The following SDCCAG8 variants were observed in gnomAD, a reference collection of about 807,000 sequenced individuals.
The protein encoded by SDCCAG8 is serologically defined colon cancer antigen 8.
SDCCAG8 carries 74 observed loss-of-function variants against 101.8 expected under a neutral mutation model. The observed-to-expected ratio is 0.73, with a 90% CI of 0.60 to 0.88. The LOEUF is 0.88. Ranked by LOEUF, SDCCAG8 falls within the 40% of genes least tolerant of loss-of-function variation. The pLI is 0.00. For missense variants in SDCCAG8, 787 were observed against 822.6 expected, an observed-to-expected ratio of 0.96 and a Z score of 0.53; for synonymous variants, 281 against 292.9, an observed-to-expected ratio of 0.96 and a Z score of 0.41.
chr1:243,382,415 T>G (rs2078014140), intron 13 of SDCCAG8, among the ~76,000 whole-genome samples: 1 of 151,936 alleles, frequency 6.6e-6, no homozygotes, highest in African/African-American at 2.4e-5. Flanking sequence ...TATTTTTAAG[T>G]GGATGAAAAA....
chr1:243,274,774 A>G (rs1183026592), intron 4 of SDCCAG8, 118 bp downstream of exon 4: 5 of 645,674 alleles, frequency 7.7e-6, no homozygotes, highest in South Asian at 1.7e-5. Context: ...GACAATTGCT[A>G]TTCTTACGTG....
chr1:243,499,250 G>C (rs1337459850), intron 17 of SDCCAG8, among the ~76,000 whole-genome samples: 3 of 152,226 alleles, frequency 2.0e-5, no homozygotes, highest in African/African-American at 4.8e-5. Context: ...GTTTCCATGT[G>C]AAAGTACTTT....
At chr1:243,328,569 G>A (rs1018765217) in intron 9 of SDCCAG8, among the ~76,000 whole-genome samples, 2 of 151,710 alleles carry the variant, frequency 1.3e-5, no homozygotes, top group Non-Finnish European at 2.9e-5. Context: ...GAGCCACCAC[G>A]CCCAGCCAAT....
chr1:243,316,830 T>C lies in SDCCAG8; in HGVS notation c.1005T>C (p.Ser335=), dbSNP rs2073283845. The change falls in exon 9 of 18, where the codon AGT becomes AGC. Residue 335 remains serine (S), a synonymous_variant. Coordinates refer to ENST00000366541, the MANE Select transcript of SDCCAG8 (RefSeq NM_006642.5). ...SLADTQQREA[S]AYEQVKQVLQ... The stretch of plus-strand genomic sequence containing the variant: ...CAGATACGCAGCAAAGAGAAGCAAG[T>C]GCTTATGAACAGGTGAAACAAGTTT... 1 of 1,614,078 alleles carries C rather than the reference T, an allele frequency of 6.2e-7. No homozygotes were observed. Among genetic ancestry groups the C allele is most frequent in the African/African-American group, 1.3e-5 (1 of 74,930 alleles).
At chr1:243,388,110 G>T (rs1020062909) in intron 13 of SDCCAG8, among the ~76,000 whole-genome samples, 4 of 152,184 alleles carry the variant, frequency 2.6e-5, no homozygotes, top group Non-Finnish European at 5.9e-5. Context: ...CCAAAAAGGA[G>T]AAATTGATAA....
At position 243,499,741 on chromosome 1, in the gene SDCCAG8, T is replaced by C; in HGVS notation, c.2113-15T>C. ...ACATGAGCTATTGAAACTTACTTTT[T>C]ATTATTTTTTCCAGTTACCCAGCAT... is the stretch of plus-strand genomic sequence containing the variant. On this transcript the variant is annotated splice_polypyrimidine_tract_variant and intron_variant, in intron 17 of 17. Transcript: ENST00000366541. 1 of 1,605,586 alleles carries C rather than the reference T, an allele frequency of 6.2e-7. No homozygotes were observed. The highest frequency in any genetic ancestry group is 8.5e-7 in the Non-Finnish European group (1 of 1,172,468).
chr1:243,273,108 T>C (rs2068229011), intron 3 of SDCCAG8, among the ~76,000 whole-genome samples: 1 of 152,238 alleles, frequency 6.6e-6, no homozygotes. Flanking sequence ...TTATAATTGT[T>C]TGATTTCTAC....
intron 16 of SDCCAG8, among the ~76,000 whole-genome samples, chr1:243,485,120 T>G (rs1221837395): frequency 6.6e-6 from 1 of 151,812 alleles, no homozygotes; most frequent in African/African-American, 2.4e-5. Flanking sequence ...ATTAACTCAG[T>G]GAGTTAACCA....
chr1:243,424,603 T>C (rs148081373), intron 15 of SDCCAG8, among the ~76,000 whole-genome samples: 1 of 152,050 alleles, frequency 6.6e-6, no homozygotes, highest in African/African-American at 2.4e-5. Context: ...TCAATAAATA[T>C]CACTTATAAA....
At chr1:243,358,069 A>G (rs963485869) in intron 12 of SDCCAG8, among the ~76,000 whole-genome samples, 19 of 152,274 alleles carry the variant, frequency 1.2e-4, no homozygotes, top group African/African-American at 4.1e-4. Context: ...AAGCACAAAG[A>G]ACAATAGAAA....
chr1:243,408,900 G>A (rs1358667579), intron 13 of SDCCAG8, among the ~76,000 whole-genome samples: 1 of 152,160 alleles, frequency 6.6e-6, no homozygotes, highest in African/African-American at 2.4e-5. Context: ...GTCCTTTAAG[G>A]TTGGATTTTC....
intron 12 of SDCCAG8, among the ~76,000 whole-genome samples, chr1:243,364,990 C>T (rs187955497): frequency 3.3e-5 from 5 of 149,906 alleles, no homozygotes; most frequent in East Asian, 1.9e-4. Context: ...GAGAAACAGA[C>T]GATATGTTTT....
rs575290124 is a variant in SDCCAG8, at chr1:243,477,398, C to A, written c.1986-11616C>A. On this transcript the variant is annotated intron_variant, in intron 16 of 17. Coordinates refer to ENST00000366541, the MANE Select transcript of SDCCAG8 (RefSeq NM_006642.5). ...CTTGAGACAAAGCTGATTAAGGTAA[C>A]TCTTACTTCAGGCAGATGGTCTTCT... Among the ~76,000 whole-genome samples the A allele has an allele frequency of 8.5e-5, 13 of 152,316 alleles. 1 individual carries two copies. In the South Asian group the frequency reaches 2.7e-3, roughly 32 times the overall value.
At chr1:243,492,280 C>T (rs1465356196) in intron 17 of SDCCAG8, among the ~76,000 whole-genome samples, 5 of 142,146 alleles carry the variant, frequency 3.5e-5, no homozygotes, top group South Asian at 2.3e-4. Context: ...CTCAAGCTCT[C>T]GGCTCGTTTC....
chr1:243,382,881 G>A (rs778401708), intron 13 of SDCCAG8, among the ~76,000 whole-genome samples: 1 of 152,206 alleles, frequency 6.6e-6, no homozygotes, highest in East Asian at 1.9e-4. Flanking sequence ...AAAGGTGACT[G>A]TAAGTTTTCT....
chr1:243,313,359 A>T (rs949760680), intron 8 of SDCCAG8, among the ~76,000 whole-genome samples: 1 of 152,244 alleles, frequency 6.6e-6, no homozygotes, highest in Non-Finnish European at 1.5e-5. Context: ...GAGCTCATGC[A>T]TATACATTAG....
chr1:243,351,912 T>G (rs2076100692), intron 12 of SDCCAG8, among the ~76,000 whole-genome samples: 1 of 152,198 alleles, frequency 6.6e-6, no homozygotes, highest in Non-Finnish European at 1.5e-5. Context: ...AAAGAAGCAG[T>G]TCCAAATCAA....
rs773249871 is a variant in SDCCAG8 at position 243,286,384 on chromosome 1, T to C, written c.533T>C (p.Leu178Pro). Reference protein sequence around the residue: ...RQEETLREQTLLDASGNMHNS... With the variant: ...RQEETLREQTPLDASGNMHNS... ...GAGGAGACACTGAGGGAACAAACAC[T>C]TCTGGATGCATCCGTGAGCATTATT... Residue 178 changes from leucine (L) to proline (P), a missense_variant, in exon 5 of 18, where the codon CTT (leucine) becomes CCT (proline). Transcript: ENST00000366541. 9.3e-6 allele frequency: 15 copies of C among 1,613,980 alleles called. No homozygotes were observed. The highest frequency in any genetic ancestry group is 1.3e-5 in the Non-Finnish European group (15 of 1,179,944).
intron 8 of SDCCAG8, among the ~76,000 whole-genome samples, chr1:243,310,023 T>G (rs1258708833): frequency 6.6e-6 from 1 of 151,864 alleles, no homozygotes; most frequent in East Asian, 1.9e-4. Flanking sequence ...ACCACCATGC[T>G]TGGCTAATTT....
Sources: gnomAD v4.1 joint callset for allele counts (sites outside exome capture counted in the v4.1 genomes callset) on GRCh38, gnomAD v4.1.1 for gene constraint, MANE v1.5 for transcripts, NCBI Gene and HGNC (gene_info 2026-07-23, HGNC 2026-07-21) for gene names.